The following DPYD variants were observed in gnomAD, a reference collection of about 807,000 sequenced individuals.
The protein encoded by DPYD is dihydropyrimidine dehydrogenase, also known as dihydropyrimidine dehydrogenase [NADP(+)].
DPYD carries 109 observed loss-of-function variants against 116.2 expected under a neutral mutation model. The ratio of observed to expected loss-of-function variants is 0.94; its 90% CI spans 0.80 to 1.10. The LOEUF (loss-of-function observed/expected upper bound fraction) is 1.10. Among genes scored for constraint, DPYD ranks in the 50% least tolerant of loss-of-function variants. The pLI is 0.00. For missense variants in DPYD, 1,302 were observed against 1,254.5 expected (o/e 1.04, Z -0.57); for synonymous variants, 440 against 432.0 (o/e 1.02, Z -0.23).
intron 13 of DPYD, among the ~76,000 whole-genome samples, chr1:97,455,338 G>A (rs1029834624): frequency 2.0e-5 from 3 of 151,974 alleles, no homozygotes; most frequent in African/African-American, 4.8e-5. Context: ...AACTGAAATC[G>A]AAGAAACATT....
chr1:97,237,057 T>C (rs1661983574), intron 18 of DPYD, among the ~76,000 whole-genome samples: 1 of 151,856 alleles, frequency 6.6e-6, no homozygotes, highest in Non-Finnish European at 1.5e-5. Context: ...CTGGCCAACA[T>C]GGTAAAACCC....
At position 97,740,410 on chromosome 1, in the gene DPYD, G is replaced by T. The variant is rs1664196344; in HGVS notation, c.303C>A (p.Ile101=). 6.2e-7 allele frequency: 1 copy of T among 1,612,636 alleles called. No individual in the cohort carries two copies. The highest frequency in any genetic ancestry group is 8.5e-7 in the Non-Finnish European group (1 of 1,179,014). Reference sequence around the variant, plus strand: ...AATTTACCTTGTTTGCAATACTTGTGATGAATGATTTAATATCAAGATTAG... The same window carrying T: ...AATTTACCTTGTTTGCAATACTTGTTATGAATGATTTAATATCAAGATTAG... ...CPTNLDIKSF[I]TSIANKNYYG... Residue 101 remains isoleucine, a synonymous_variant, in exon 4 of 23, where the codon ATC becomes ATA. Coordinates refer to ENST00000370192, the MANE Select transcript of DPYD (RefSeq NM_000110.4).
intron 13 of DPYD, among the ~76,000 whole-genome samples, chr1:97,453,375 C>T (rs1447519485): frequency 1.3e-5 from 2 of 152,078 alleles, no homozygotes; most frequent in Non-Finnish European, 2.9e-5. Context: ...TGTCCAACTA[C>T]AGTTGTCTTT....
At chr1:97,112,873 C>A (rs1361094450) in intron 20 of DPYD, among the ~76,000 whole-genome samples, 1 of 152,156 alleles carries the variant, frequency 6.6e-6, no homozygotes, top group Non-Finnish European at 1.5e-5. Flanking sequence ...TGACATCAGC[C>A]TGTCTATTAA....
intron 12 of DPYD, among the ~76,000 whole-genome samples, chr1:97,539,119 T>C (rs1266847834): frequency 2.0e-5 from 3 of 152,194 alleles, no homozygotes; most frequent in Non-Finnish European, 4.4e-5. Context: ...CTTTTTGTTG[T>C]TGTTTTTATT....
chr1:97,390,276 A>G (rs1304882847), intron 14 of DPYD, among the ~76,000 whole-genome samples: 2 of 152,076 alleles, frequency 1.3e-5, no homozygotes, highest in Non-Finnish European at 2.9e-5. Flanking sequence ...GGGGTGAACA[A>G]CTATAAATTA....
intron 8 of DPYD, among the ~76,000 whole-genome samples, chr1:97,622,589 TA>T (rs1252486825): frequency 5.9e-5 from 9 of 152,022 alleles, no homozygotes; most frequent in African/African-American, 2.2e-4. Flanking sequence ...TAGTTAATAA[TA>T]ACGTATTAAT....
intron 4 of DPYD, among the ~76,000 whole-genome samples, chr1:97,737,151 T>C (rs141153406): frequency 2.0e-5 from 3 of 152,114 alleles, no homozygotes; most frequent in East Asian, 1.9e-4. Context: ...TTTGGAGACA[T>C]GCTGGTCAAA....
chr1:97,503,455 C>A (rs916300335), intron 13 of DPYD, among the ~76,000 whole-genome samples: 1 of 152,012 alleles, frequency 6.6e-6, no homozygotes, highest in Admixed American at 6.6e-5. Context: ...CTTCCTGTGG[C>A]TTAGCCAATG....
At chr1:97,753,906 C>G (rs897132772) in intron 3 of DPYD, among the ~76,000 whole-genome samples, 2 of 151,914 alleles carry the variant, frequency 1.3e-5, no homozygotes, top group Non-Finnish European at 2.9e-5. Context: ...TATCCAGTAT[C>G]TGGAATATTA....
intron 8 of DPYD, among the ~76,000 whole-genome samples, chr1:97,598,082 A>G (rs1223934159): frequency 6.6e-6 from 1 of 152,192 alleles, no homozygotes; most frequent in Non-Finnish European, 1.5e-5. Flanking sequence ...TAATATTAAG[A>G]TAGGTTTATT....
intron 6 of DPYD, among the ~76,000 whole-genome samples, chr1:97,692,172 A>G (rs1268986914): frequency 1.3e-5 from 2 of 152,058 alleles, no homozygotes; most frequent in African/African-American, 4.8e-5. Flanking sequence ...ATAAAGCTAG[A>G]TGGAGATATA....
chr1:97,486,878 G>A (rs1355663497), intron 13 of DPYD, among the ~76,000 whole-genome samples: 2 of 151,508 alleles, frequency 1.3e-5, no homozygotes, highest in African/African-American at 2.4e-5. Context: ...CTCTCCATAA[G>A]TTATCAACTT....
At chr1:97,274,782 G>A (rs1664831131) in intron 18 of DPYD, among the ~76,000 whole-genome samples, 2 of 152,268 alleles carry the variant, frequency 1.3e-5, no homozygotes, top group East Asian at 3.9e-4. Context: ...GTCAAAAAGT[G>A]ATCAGTGCTG....
At chr1:97,427,116 A>G (rs987280937) in intron 14 of DPYD, among the ~76,000 whole-genome samples, 34 of 152,246 alleles carry the variant, frequency 2.2e-4, no homozygotes, top group African/African-American at 7.5e-4. Context: ...ATTCATATCT[A>G]CAACTACTAC....
rs542775267 is a variant in DPYD at position 97,111,489 on chromosome 1, T to G, written c.2623-12857A>C. On this transcript the variant is annotated intron_variant, in intron 20 of 22. Transcript: ENST00000370192. ...CCTTAGGGCCTTTACATTTACTGGG[T>G]TTTTTTTTTTGGTCTGCATCCAGAT... 1.6e-3 allele frequency among the ~76,000 whole-genome samples: 228 copies of G among 145,386 alleles called. 2 individuals carry two copies. The highest frequency in any genetic ancestry group is 2.5e-3 in the Admixed American group (37 of 14,558).
intron 18 of DPYD, among the ~76,000 whole-genome samples, chr1:97,279,199 T>C (rs1665147419): frequency 6.6e-6 from 1 of 152,132 alleles, no homozygotes; most frequent in Non-Finnish European, 1.5e-5. Context: ...ACATTAAGCA[T>C]ACCCCATACT....
At chr1:97,243,940 A>C (rs1351839519) in intron 18 of DPYD, among the ~76,000 whole-genome samples, 2 of 151,946 alleles carry the variant, frequency 1.3e-5, no homozygotes, top group Non-Finnish European at 2.9e-5. Flanking sequence ...AATAGGACAA[A>C]GACAATTACA....
chr1:97,227,331 CA>C (rs60992225), intron 19 of DPYD, among the ~76,000 whole-genome samples: 4,596 of 26,044 alleles, frequency 0.18, 19 homozygotes, highest in East Asian at 0.26. Context: ...GACTCTATCT[CA>C]AAAAAAAAAA....
Sources: gnomAD v4.1 joint callset for allele counts (sites outside exome capture counted in the v4.1 genomes callset) on GRCh38, gnomAD v4.1.1 for gene constraint, MANE v1.5 for transcripts, NCBI Gene and HGNC (gene_info 2026-07-23, HGNC 2026-07-21) for gene names.